The following XG variants were observed in gnomAD, a reference collection of about 807,000 sequenced individuals.
XG encodes the protein Xg glycoprotein (Xg blood group).
In XG, 24 loss-of-function variants were observed where a neutral mutation model predicts 25.7. The observed-to-expected ratio is 0.93, with a 90% confidence interval of 0.68 to 1.31. The LOEUF (loss-of-function observed/expected upper bound fraction) is 1.31, where lower values mean the gene tolerates loss of function less well. XG is among the 40% of genes most tolerant of loss of function. XG has a pLI of 0.00. For missense variants in XG, 181 were observed against 187.6 expected, an observed-to-expected ratio of 0.96 and a Z score of 0.21; for synonymous variants, 77 against 69.2, an observed-to-expected ratio of 1.11 and a Z score of -0.56.
chrX:2,809,190 A>T (rs1331984923), intron 9 of XG, among the ~76,000 whole-genome samples: 1 of 111,305 alleles, frequency 9.0e-6, no homozygotes, highest in East Asian at 2.8e-4. Flanking sequence ...GTAGAGCTGG[A>T]TACACACGTG....
intron 3 of XG, among the ~76,000 whole-genome samples, chrX:2,779,015 C>T (rs73630871): frequency 2.0e-5 from 3 of 152,140 alleles, no homozygotes; most frequent in Admixed American, 6.5e-5. Flanking sequence ...CTGTCCACCT[C>T]GGTGTCCCAA....
intron 3 of XG, among the ~76,000 whole-genome samples, chrX:2,780,270 C>T (rs1460111992): frequency 6.0e-5 from 9 of 150,996 alleles, no homozygotes; most frequent in Admixed American, 4.0e-4. Context: ...TCATTCCATT[C>T]GCTGACAAGA....
In XG at chrX:2,807,478, G is replaced by A. The variant is rs772047436; in HGVS notation, c.419-707G>A. Among the ~76,000 whole-genome samples the A allele has an allele frequency of 1.5e-4, 17 of 111,932 alleles. No homozygotes were observed. In the South Asian group the frequency reaches 3.0e-3, roughly 20 times the overall value. ...TGTGTGTGCATATTTGTGTGTACAT[G>A]CATGTGTTTATGCATACAGGTGTAA... On this transcript the variant is annotated intron_variant, in intron 8 of 10. Transcript: ENST00000644266.
chrX:2,798,501 G>A lies in XG; in HGVS notation c.373+1141G>A, dbSNP rs147340175. 3.8e-3 allele frequency among the ~76,000 whole-genome samples: 410 copies of A among 108,959 alleles called. 4 individuals carry two copies. Among genetic ancestry groups the A allele is most frequent in the African/African-American group, 0.013 (381 of 29,993 alleles). 94.6% of individuals were successfully genotyped at this position (108,959 alleles called of 115,157 possible). A position where few individuals can be genotyped will look rare whatever the true frequency, so the allele number is the denominator to read the frequency against. ...TTCTCCTGCCTCAGCCTCCCAAGTA[G>A]CTGGGATTACAAGCATGTGCCACTA... On this transcript the variant is annotated intron_variant, in intron 7 of 10. Transcript: ENST00000644266.
intron 1 of XG, among the ~76,000 whole-genome samples, chrX:2,768,386 T>C (rs917138334): frequency 2.6e-5 from 4 of 152,102 alleles, no homozygotes; most frequent in Admixed American, 6.5e-5. Flanking sequence ...CTGGCAGCCT[T>C]GGAGGGGAGA....
chrX:2,757,135 C>T (rs1284008100), intron 1 of XG, among the ~76,000 whole-genome samples: 7 of 152,054 alleles, frequency 4.6e-5, no homozygotes, highest in African/African-American at 7.2e-5. Flanking sequence ...GGTTGTCCTG[C>T]GGCTAATCTC....
chrX:2,799,971 T>A (rs1375626503), intron 7 of XG, among the ~76,000 whole-genome samples: 1 of 111,862 alleles, frequency 8.9e-6, no homozygotes, highest in Non-Finnish European at 1.9e-5. Flanking sequence ...AAGGACATGA[T>A]CTTGTTCTTT....
chrX:2,776,842 G>A (rs1255646947), intron 3 of XG, among the ~76,000 whole-genome samples: 9 of 142,974 alleles, frequency 6.3e-5, no homozygotes, highest in East Asian at 6.0e-4. Flanking sequence ...GCGAGACTCC[G>A]TCTCAACAAC....
At chrX:2,801,716 TA>T (rs763106920) in intron 7 of XG, among the ~76,000 whole-genome samples, 1 of 108,284 alleles carries the variant, frequency 9.2e-6, no homozygotes, top group Non-Finnish European at 1.9e-5. Flanking sequence ...TTTTATTTTT[TA>T]TTTTTTTTTG....
At chrX:2,794,362 C>G (rs752552863) in intron 5 of XG, among the ~76,000 whole-genome samples, 173 bp from the exon 6 acceptor site, 8 of 112,539 alleles carry the variant, frequency 7.1e-5, no homozygotes, top group African/African-American at 2.3e-4. Context: ...GCAGGCAAGG[C>G]GGCCAGCCCA....
intron 2 of XG, among the ~76,000 whole-genome samples, chrX:2,773,568 A>AGGG (rs2050890339): frequency 8.3e-5 from 8 of 96,134 alleles, no homozygotes; most frequent in Admixed American, 1.0e-4. Context: ...GGAAGGAGAG[A>AGGG]AGGAAGGAAG....
At chrX:2,786,626 G>T (rs1218198842) in intron 4 of XG, among the ~76,000 whole-genome samples, 1 of 110,949 alleles carries the variant, frequency 9.0e-6, no homozygotes, top group Non-Finnish European at 1.9e-5. Flanking sequence ...AAGCTGTTAT[G>T]GGATGAATTA....
chrX:2,761,936 C>G (rs1297193696), intron 1 of XG, among the ~76,000 whole-genome samples: 2 of 152,166 alleles, frequency 1.3e-5, no homozygotes. Context: ...GAAGCCATTA[C>G]CAAGTCTCTG....
intron 1 of XG, among the ~76,000 whole-genome samples, chrX:2,759,656 G>A (rs142418130): frequency 6.6e-6 from 1 of 152,176 alleles, no homozygotes; most frequent in South Asian, 2.1e-4. Flanking sequence ...GAGCCAATTA[G>A]CAGACAAGCA....
intron 10 of XG, among the ~76,000 whole-genome samples, chrX:2,812,954 CA>C (rs1555893550): frequency 9.0e-6 from 1 of 111,701 alleles, no homozygotes; most frequent in Non-Finnish European, 1.9e-5. Context: ...ACTCAATAAT[CA>C]AGGCAAATAT....
At chrX:2,782,260 C>G in intron 4 of XG, 132 bp downstream of exon 4, 1 of 737,533 alleles carries the variant, frequency 1.4e-6, no homozygotes, top group Non-Finnish European at 2.0e-6. Context: ...AATGTAGTTT[C>G]TTTCCTCACT....
intron 7 of XG, among the ~76,000 whole-genome samples, chrX:2,801,761 T>G (rs1287541452): frequency 2.7e-5 from 3 of 110,789 alleles, no homozygotes; most frequent in South Asian, 3.8e-4. Flanking sequence ...CAGGCTGGAG[T>G]GCAGTGGCGT....
intron 2 of XG, among the ~76,000 whole-genome samples, chrX:2,772,547 C>T (rs1321762229): frequency 6.6e-6 from 1 of 152,014 alleles, no homozygotes; most frequent in African/African-American, 2.4e-5. Context: ...GATTGTTGGG[C>T]TGGAAGAGGG....
chrX:2,760,989 A>G (rs893199061), intron 1 of XG, among the ~76,000 whole-genome samples: 2 of 151,352 alleles, frequency 1.3e-5, no homozygotes, highest in African/African-American at 2.4e-5. Flanking sequence ...ATCAATGTCC[A>G]CTGTTTAAAC....
Sources: gnomAD v4.1 joint callset for allele counts (sites outside exome capture counted in the v4.1 genomes callset) on GRCh38, gnomAD v4.1.1 for gene constraint, MANE v1.5 for transcripts, NCBI Gene and HGNC (gene_info 2026-07-23, HGNC 2026-07-21) for gene names.